ANP32B: variants seen among roughly 807,000 people sequenced by gnomAD.
ANP32B encodes acidic nuclear phosphoprotein 32 family member B, also known as acidic leucine-rich nuclear phosphoprotein 32 family member B.
ANP32B carries 6 observed loss-of-function variants against 32.2 expected under a neutral mutation model. The ratio of observed to expected loss-of-function variants is 0.19; its 90% CI spans 0.10 to 0.37. ANP32B has a LOEUF of 0.37. Ranked by LOEUF, ANP32B falls within the 10% of genes least tolerant of loss-of-function variation. ANP32B has a pLI of 1.00. For synonymous variants in ANP32B, 98 were observed against 105.8 expected (o/e 0.93, Z 0.45); for missense variants, 204 against 289.2 (o/e 0.71, Z 2.14).
intron 1 of ANP32B, among the ~76,000 whole-genome samples, chr9:97,984,092 T>TC (rs1430775700): frequency 1.3e-5 from 2 of 149,170 alleles, no homozygotes; most frequent in African/African-American, 4.9e-5. Flanking sequence ...GGACGGGGGC[T>TC]CTTGTGGCCG....
chr9:97,993,034 CAG>C (rs1285392260), intron 1 of ANP32B, among the ~76,000 whole-genome samples: 1 of 152,134 alleles, frequency 6.6e-6, no homozygotes, highest in Non-Finnish European at 1.5e-5. Context: ...CAGCTTTTGT[CAG>C]AGTTGACCTA....
intron 1 of ANP32B, among the ~76,000 whole-genome samples, chr9:97,993,320 A>G (rs1380979695): frequency 2.0e-5 from 3 of 152,198 alleles, no homozygotes; most frequent in Admixed American, 1.3e-4. Flanking sequence ...ATTGATAGCA[A>G]TTACTAGAGT....
chr9:97,993,808 G>T (rs1827865816), intron 1 of ANP32B, among the ~76,000 whole-genome samples: 1 of 152,018 alleles, frequency 6.6e-6, no homozygotes, highest in South Asian at 2.1e-4. Context: ...GCTAATTTTT[G>T]TATTTTTGTA....
chr9:98,008,588 A>C (rs1828128253), intron 4 of ANP32B, among the ~76,000 whole-genome samples: 1 of 152,200 alleles, frequency 6.6e-6, no homozygotes, highest in South Asian at 2.1e-4. Context: ...CCAAAAAAGC[A>C]CTGAAAAACC....
intron 1 of ANP32B, among the ~76,000 whole-genome samples, chr9:97,984,290 G>A (rs1305999870): frequency 6.6e-6 from 1 of 151,192 alleles, no homozygotes; most frequent in African/African-American, 2.4e-5. Context: ...CCCCTCCCGA[G>A]GCCAAGTTTG....
rs886883679 is a variant in ANP32B, at chr9:97,989,923, A to G, written c.55-4708A>G. 2.0e-5 allele frequency among the ~76,000 whole-genome samples: 3 copies of G among 152,340 alleles called. No individual in the cohort carries two copies. The East Asian group carries it at 5.8e-4, about 29-fold the overall frequency. On this transcript the variant is annotated intron_variant, in intron 1 of 6. Coordinates refer to ENST00000339399, the MANE Select transcript of ANP32B (RefSeq NM_006401.3). ...AGTTTATCTGGCTAAAAGCAAATAC[A>G]TGTCACAAACGAGGGCTGACATAAA... is the stretch of plus-strand genomic sequence containing the variant.
At position 97,985,173 on chromosome 9, in the gene ANP32B, C is replaced by T. The variant is rs535101182; in HGVS notation, c.54+1564C>T. Among the ~76,000 whole-genome samples, 604 of 152,008 alleles carry T rather than the reference C, an allele frequency of 4.0e-3. 3 individuals carry two copies. Among genetic ancestry groups the T allele is most frequent in the African/African-American group, 0.013 (555 of 41,544 alleles). On this transcript the variant is annotated intron_variant, in intron 1 of 6. Transcript: ENST00000339399. ...GGCGGCCCCGCGGGGCCTCCCGACCCGCTCTGGGCTAAGCGAGCGGCCAGG... is the reference window on the plus strand; with the variant it reads ...GGCGGCCCCGCGGGGCCTCCCGACCTGCTCTGGGCTAAGCGAGCGGCCAGG...
rs560762108 is a variant in ANP32B, at chr9:97,983,504, C to T, written c.-52C>T. 54 of 1,494,102 alleles carry T rather than the reference C, an allele frequency of 3.6e-5. No individual in the cohort carries two copies. The highest frequency in any genetic ancestry group is 3.3e-4 in the South Asian group (27 of 81,416). The allele number at this position is 1,494,102 out of a possible 1,614,324, so 92.6% of individuals were successfully genotyped here. On this transcript the variant is annotated 5_prime_UTR_variant, in exon 1 of 7. Transcript: ENST00000339399. The stretch of plus-strand genomic sequence containing the variant: ...TGCGCAAGCCGGGACGCCTCTCCCC[C>T]CTCCGCCCCCGCCGCGGAAAGTTAA...
chr9:98,007,529 G>A (rs906100665), intron 4 of ANP32B, among the ~76,000 whole-genome samples: 19 of 152,228 alleles, frequency 1.2e-4, no homozygotes, highest in Admixed American at 6.5e-5. Flanking sequence ...TATGTTATGT[G>A]TACTTCGTTG....
chr9:97,999,752 G>T (rs1827959503), intron 3 of ANP32B, among the ~76,000 whole-genome samples: 1 of 152,168 alleles, frequency 6.6e-6, no homozygotes, highest in African/African-American at 2.4e-5. Context: ...TCCAGTTTGT[G>T]TAAGTTGTAG....
chr9:98,007,195 GC>G (rs1389020668), intron 4 of ANP32B, among the ~76,000 whole-genome samples: 8 of 152,306 alleles, frequency 5.3e-5, no homozygotes, highest in Non-Finnish European at 8.8e-5. Flanking sequence ...AAGCTAAGAA[GC>G]CCTTAACTAA....
intron 3 of ANP32B, among the ~76,000 whole-genome samples, chr9:97,999,286 A>G (rs1003083617): frequency 3.3e-5 from 5 of 152,202 alleles, no homozygotes; most frequent in African/African-American, 4.8e-5. Context: ...TGTATTGACT[A>G]TATAGCCTTA....
chr9:97,984,286 C>T (rs1827660170), intron 1 of ANP32B, among the ~76,000 whole-genome samples: 1 of 151,164 alleles, frequency 6.6e-6, no homozygotes, highest in Non-Finnish European at 1.5e-5. Flanking sequence ...GCCGCCCCTC[C>T]CGAGGCCAAG....
chr9:97,996,612 A>C (rs554102765), intron 2 of ANP32B, among the ~76,000 whole-genome samples: 1 of 152,004 alleles, frequency 6.6e-6, no homozygotes, highest in Non-Finnish European at 1.5e-5. Flanking sequence ...TTTGTTTTTG[A>C]GATGGAGTTT....
chr9:97,983,653 C>G, intron 1 of ANP32B, 44 bp downstream of exon 1: 1 of 1,466,870 alleles, frequency 6.8e-7, no homozygotes, highest in African/African-American at 1.5e-5. Context: ...CGATGACTTG[C>G]ATGTAATGGT....
chr9:97,999,926 G>A (rs879361253), intron 3 of ANP32B, among the ~76,000 whole-genome samples: 2 of 152,138 alleles, frequency 1.3e-5, no homozygotes, highest in African/African-American at 2.4e-5. Flanking sequence ...TTTCTTCTCT[G>A]TTGTCTCTAT....
intron 1 of ANP32B, 75 bp downstream of exon 1, chr9:97,983,684 C>CT (rs1390281131): frequency 1.6e-6 from 2 of 1,252,740 alleles, no homozygotes; most frequent in Admixed American, 4.8e-5. Flanking sequence ...GGGGCCCGGG[C>CT]TGAGGGTTCG....
intron 3 of ANP32B, among the ~76,000 whole-genome samples, chr9:98,003,826 T>C (rs1828033605): frequency 6.6e-6 from 1 of 152,220 alleles, no homozygotes; most frequent in Non-Finnish European, 1.5e-5. Context: ...GAAGTTTTTC[T>C]CTTGATTCAG....
intron 1 of ANP32B, 40 bp downstream of exon 1, chr9:97,983,649 C>G (rs925458072): frequency 1.3e-6 from 2 of 1,499,070 alleles, no homozygotes; most frequent in Middle Eastern, 1.7e-4. Context: ...CCCCCGATGA[C>G]TTGCATGTAA....
Sources: gnomAD v4.1 joint callset for allele counts (sites outside exome capture counted in the v4.1 genomes callset) on GRCh38, gnomAD v4.1.1 for gene constraint, MANE v1.5 for transcripts, NCBI Gene and HGNC (gene_info 2026-07-23, HGNC 2026-07-21) for gene names.